Variants in SLF1 observed in about 807,000 individuals in gnomAD.
The protein encoded by SLF1 is SMC5-SMC6 complex localization factor protein 1.
In SLF1, 105 loss-of-function variants were observed where a neutral mutation model predicts 123.0. That is an observed-to-expected ratio of 0.85 (90% CI 0.73 to 1.00). SLF1 has a LOEUF of 1.00. Ranked by LOEUF, SLF1 falls within the 50% of genes least tolerant of loss-of-function variation. The pLI is 0.00. For missense variants in SLF1, 1,239 were observed against 1,223.0 expected, an observed-to-expected ratio of 1.01 and a Z score of -0.20; for synonymous variants, 434 against 406.6, an observed-to-expected ratio of 1.07 and a Z score of -0.81.
intron 10 of SLF1, among the ~76,000 whole-genome samples, chr5:94,663,210 C>A (rs1456411001): frequency 6.6e-6 from 1 of 152,070 alleles, no homozygotes; most frequent in Non-Finnish European, 1.5e-5. Context: ...TAGTATTTTC[C>A]CTTACTACTG....
rs1427288837 is a variant in SLF1, at chr5:94,689,494, TTCC to T, written c.2310_2312del (p.Ser772del). Reference sequence around the variant, plus strand: ...TCAGAGACCTGAACCTTGCTAAATGTTCCTCATCATTAAAAAAATTGAAAAAGA... The same window carrying T: ...TCAGAGACCTGAACCTTGCTAAATGTTCATCATTAAAAAAATTGAAAAAGA... On this transcript the variant is annotated inframe_deletion, in exon 18 of 21. Transcript: ENST00000265140. 1 of 1,612,632 alleles carries T rather than the reference TTCC, an allele frequency of 6.2e-7. No individual in the cohort carries two copies. Among genetic ancestry groups the T allele is most frequent in the Non-Finnish European group, 8.5e-7 (1 of 1,179,298 alleles).
intron 4 of SLF1, among the ~76,000 whole-genome samples, chr5:94,639,230 G>A (rs557253348): frequency 6.6e-6 from 1 of 151,736 alleles, no homozygotes; most frequent in Non-Finnish European, 1.5e-5. Flanking sequence ...ATTAGAAACG[G>A]GGTTTCACCA....
chr5:94,638,272 G>A (rs189107370), intron 4 of SLF1, among the ~76,000 whole-genome samples: 1,633 of 152,050 alleles, frequency 0.011, 13 homozygotes, highest in Non-Finnish European at 0.017. Flanking sequence ...TCCACCTCCC[G>A]GGTTCACGCC....
Position 94,697,324 on chromosome 5 carries a change from T to G in SLF1, c.*2012T>G, listed in dbSNP as rs1753560666. The G allele has an allele frequency of 6.6e-6, 1 of 151,892 alleles. No homozygotes were observed. The highest frequency in any genetic ancestry group is 2.4e-5 in the African/African-American group (1 of 41,400). The allele number at this position is 151,892 out of a possible 1,614,324, so 9.4% of individuals were successfully genotyped here. ...AAGGCTTCATTCCCAAAATTACTTC[T>G]TATACTTTATTTTAGAAAACATAAT... On this transcript the variant is annotated 3_prime_UTR_variant, in exon 21 of 21. Coordinates refer to ENST00000265140, the MANE Select transcript of SLF1 (RefSeq NM_032290.4).
At chr5:94,674,806 G>A (rs184234533) in intron 14 of SLF1, among the ~76,000 whole-genome samples, 11 of 152,326 alleles carry the variant, frequency 7.2e-5, no homozygotes, top group African/African-American at 2.2e-4. Context: ...CTGTGTCAAG[G>A]TTATGGAGGA....
At chr5:94,630,830 A>T in intron 4 of SLF1, 87 bp downstream of exon 4, 1 of 1,392,522 alleles carries the variant, frequency 7.2e-7, no homozygotes, top group African/African-American at 1.4e-5. Flanking sequence ...TTTTGCAATT[A>T]TTAGCCCAAA....
Position 94,665,842 on chromosome 5 carries a change from GT to G in SLF1, c.1369-16del. ...TTTAGCTATAGTGTTTTATTTGTTTGTTTATTTTTAAATAATAGGATAACAT... is the reference window on the plus strand; with the variant it reads ...TTTAGCTATAGTGTTTTATTTGTTTGTTATTTTTAAATAATAGGATAACAT... On this transcript the variant is annotated intron_variant, in intron 11 of 20. Coordinates refer to ENST00000265140, the MANE Select transcript of SLF1 (RefSeq NM_032290.4). 1 of 1,521,648 alleles carries G rather than the reference GT, an allele frequency of 6.6e-7. No individual in the cohort carries two copies. Among genetic ancestry groups the G allele is most frequent in the Non-Finnish European group, 8.9e-7 (1 of 1,123,418 alleles). The allele number at this position is 1,521,648 out of a possible 1,614,324, so 94.3% of individuals were successfully genotyped here. A position where few individuals can be genotyped will look rare whatever the true frequency, so the allele number is the denominator to read the frequency against.
At chr5:94,679,009 A>G in intron 15 of SLF1, 54 bp downstream of exon 15, 1 of 1,586,160 alleles carries the variant, frequency 6.3e-7, no homozygotes, top group Non-Finnish European at 8.6e-7. Context: ...ATTAGTTTTG[A>G]ATTTCTTTTA....
intron 12 of SLF1, among the ~76,000 whole-genome samples, chr5:94,669,004 G>A (rs1750134007): frequency 6.6e-6 from 1 of 152,102 alleles, no homozygotes; most frequent in Non-Finnish European, 1.5e-5. Flanking sequence ...AGGTTTGGAT[G>A]AATTTATTGA....
chr5:94,673,352 ATT>A (rs1750682192), intron 14 of SLF1, among the ~76,000 whole-genome samples: 1 of 151,944 alleles, frequency 6.6e-6, no homozygotes, highest in African/African-American at 2.4e-5. Context: ...TTTATTTAAC[ATT>A]TTTAGTTTTA....
rs772168175 is a variant in SLF1, at chr5:94,691,614, ATTC to A, written c.2478_2480del (p.Leu827del). 8.2e-5 allele frequency: 132 copies of A among 1,611,972 alleles called. No individual in the cohort carries two copies. The African/African-American group carries it at 1.2e-3, about 15-fold the overall frequency. ...CATAAATAACCAAGTGGAGAAATTG[ATTC>A]TTCTTCTCTCTTTGCCAGGAATAGA... On this transcript the variant is annotated inframe_deletion, in exon 19 of 21. Transcript: ENST00000265140.
intron 9 of SLF1, among the ~76,000 whole-genome samples, chr5:94,659,184 T>C (rs1748767175): frequency 6.6e-6 from 1 of 152,112 alleles, no homozygotes; most frequent in Non-Finnish European, 1.5e-5. Flanking sequence ...GATTTCTGTT[T>C]GGTTCTTTTC....
intron 4 of SLF1, among the ~76,000 whole-genome samples, chr5:94,638,743 A>C (rs184168876): frequency 3.9e-5 from 6 of 152,288 alleles, no homozygotes; most frequent in Non-Finnish European, 7.3e-5. Flanking sequence ...CACAGTTTTT[A>C]TGAAGTTCTG....
intron 5 of SLF1, among the ~76,000 whole-genome samples, chr5:94,648,409 GT>G (rs1189390138): frequency 3.9e-5 from 6 of 151,940 alleles, no homozygotes; most frequent in Non-Finnish European, 8.8e-5. Flanking sequence ...AACACGTTTT[GT>G]TTTTTTTATA....
intron 15 of SLF1, among the ~76,000 whole-genome samples, chr5:94,682,233 TCACA>T (rs1751881096): frequency 6.6e-6 from 1 of 152,200 alleles, no homozygotes; most frequent in African/African-American, 2.4e-5. Flanking sequence ...CTCATGTTAG[TCACA>T]CACAGAATCA....
At chr5:94,675,020 C>G (rs1750885666) in intron 14 of SLF1, among the ~76,000 whole-genome samples, 1 of 152,208 alleles carries the variant, frequency 6.6e-6, no homozygotes, top group South Asian at 2.1e-4. Flanking sequence ...CACACTTTCT[C>G]ATGTTTCAAA....
In SLF1 at chr5:94,696,566, C is replaced by G. The variant is rs1176544345; in HGVS notation, c.*1254C>G. The stretch of plus-strand genomic sequence containing the variant: ...CAGACAAAAAATGATATAGTGAAGA[C>G]TATCTAAGAAGAGTTTAAATGCTTA... On this transcript the variant is annotated 3_prime_UTR_variant, in exon 21 of 21. Transcript: ENST00000265140. 2 of 151,784 alleles carry G rather than the reference C, an allele frequency of 1.3e-5. No individual in the cohort carries two copies. Among genetic ancestry groups the G allele is most frequent in the Admixed American group, 1.3e-4 (2 of 15,204 alleles). 9.4% of individuals were successfully genotyped at this position (151,784 alleles called of 1,614,324 possible).
At chr5:94,632,931 T>G (rs1023586741) in intron 4 of SLF1, among the ~76,000 whole-genome samples, 1 of 152,112 alleles carries the variant, frequency 6.6e-6, no homozygotes, top group African/African-American at 2.4e-5. Flanking sequence ...CCTCGTGATC[T>G]GCCCGCCTCG....
intron 10 of SLF1, 144 bp downstream of exon 10, chr5:94,662,495 C>G (rs982711685): frequency 1.8e-5 from 11 of 613,810 alleles, no homozygotes; most frequent in Non-Finnish European, 2.5e-5. Flanking sequence ...TATAGCTTCT[C>G]TAATCAGAAA....
Sources: allele counts gnomAD v4.1 joint callset (sites outside exome capture counted in the v4.1 genomes callset), GRCh38; gene constraint gnomAD v4.1.1; transcripts MANE v1.5; gene names NCBI Gene and HGNC (gene_info 2026-07-23, HGNC 2026-07-21).